Variants in C19orf44 observed in about 807,000 individuals in gnomAD.
C19orf44 encodes uncharacterized protein C19orf44.
A neutral mutation model predicts 50.7 loss-of-function variants in C19orf44; 43 were observed. The observed-to-expected ratio is 0.85, with a 90% CI of 0.66 to 1.09. The LOEUF (loss-of-function observed/expected upper bound fraction) is 1.09, where lower values mean the gene tolerates loss of function less well. Among genes scored for constraint, C19orf44 ranks in the 50% least tolerant of loss-of-function variants. The pLI is 0.00. For missense variants in C19orf44, 722 were observed against 836.2 expected, an observed-to-expected ratio of 0.86 and a Z score of 1.68; for synonymous variants, 298 against 334.7, an observed-to-expected ratio of 0.89 and a Z score of 1.20.
At position 16,519,335 on chromosome 19, in the gene C19orf44, C is replaced by T. The variant is rs2085583879; in HGVS notation, c.*41-759C>T. 1 of 1,612,176 alleles carries T rather than the reference C, an allele frequency of 6.2e-7. No individual in the cohort carries two copies. The highest frequency in any genetic ancestry group is 1.1e-5 in the South Asian group (1 of 90,994). On this transcript the variant is annotated intron_variant, in intron 8 of 8. Transcript: ENST00000221671. The surrounding 1 kb of genome is among the most constrained non-coding windows in gnomAD (Gnocchi z 6.0). ...ATCCCTTGCTCCTTCGCACCGAGGC[C>T]GCCTGAGCCGCTCCAGCCTGGAAAC...
intron 1 of C19orf44, among the ~76,000 whole-genome samples, chr19:16,496,863 C>A (rs537206802): frequency 6.6e-6 from 1 of 152,234 alleles, no homozygotes; most frequent in Non-Finnish European, 1.5e-5. Context: ...CGCGGTGATT[C>A]ACGCCTGGAA....
intron 6 of C19orf44, 110 bp from the exon 7 acceptor site, chr19:16,514,387 A>G: frequency 2.6e-6 from 1 of 381,874 alleles, no homozygotes; most frequent in Middle Eastern, 1.0e-3. Flanking sequence ...CTGTCTCCAG[A>G]AAAAAAAAAA....
At position 16,520,679 on chromosome 19, in the gene C19orf44, G is replaced by A. The variant is rs1289016346; in HGVS notation, c.*626G>A. The A allele has an allele frequency of 2.7e-6, 3 of 1,129,474 alleles. No individual in the cohort carries two copies. The highest frequency in any genetic ancestry group is 1.3e-6 in the Non-Finnish European group (1 of 766,556). The allele number at this position is 1,129,474 out of a possible 1,614,324, so 70.0% of individuals were successfully genotyped here. On this transcript the variant is annotated 3_prime_UTR_variant, in exon 9 of 9. Transcript: ENST00000221671. This position sits in a 1 kb window ranked among gnomAD's most constrained non-coding sequence, Gnocchi z 4.0. ...AAATAGTGTGGCCGAGCCTGCTGCT[G>A]TGTGAATTCAGGCCTTGTGGAAAAC... is the stretch of plus-strand genomic sequence containing the variant.
At chr19:16,509,125 T>A (rs1307227415) in intron 4 of C19orf44, among the ~76,000 whole-genome samples, 3 of 151,008 alleles carry the variant, frequency 2.0e-5, no homozygotes, top group Non-Finnish European at 4.4e-5. Flanking sequence ...CGGCTGAAAA[T>A]TTTTTAATTT....
chr19:16,504,823 CTT>C (rs201354846), intron 3 of C19orf44, among the ~76,000 whole-genome samples: 2 of 138,252 alleles, frequency 1.4e-5, no homozygotes, highest in Non-Finnish European at 1.6e-5. Flanking sequence ...TGAGGCTGGT[CTT>C]TTTTTTTTTT....
chr19:16,499,791 GTTC>G (rs1015139803), intron 1 of C19orf44, among the ~76,000 whole-genome samples: 1 of 151,440 alleles, frequency 6.6e-6, no homozygotes, highest in African/African-American at 2.4e-5. Context: ...CAGGGTAGCG[GTTC>G]TTCTTTTTTT....
chr19:16,506,159 T>G (rs1325344848), intron 3 of C19orf44, among the ~76,000 whole-genome samples: 2 of 150,530 alleles, frequency 1.3e-5, no homozygotes, highest in Admixed American at 1.3e-4. Context: ...GTATTTTTAG[T>G]AGAGACAGGG....
At chr19:16,504,585 C>G (rs1014491067) in intron 3 of C19orf44, among the ~76,000 whole-genome samples, 2 of 149,802 alleles carry the variant, frequency 1.3e-5, no homozygotes, top group South Asian at 2.1e-4. Context: ...CAGGGGCTAG[C>G]AGGCCTGTCT....
rs1243322280 is a variant in C19orf44 at position 16,506,719 on chromosome 19, T to C, written c.1094T>C (p.Leu365Ser). The C allele has an allele frequency of 6.2e-7, 1 of 1,602,548 alleles. No homozygotes were observed. ...DSLDEFRINILSLDGLAPAVS... is the reference protein window; with the variant it reads ...DSLDEFRINISSLDGLAPAVS... Reference sequence around the variant, plus strand: ...ATTACAGAGTTTAGAATAAATATTTTATCGCTTGACGGTCTGGCTCCAGCT... The same window carrying C: ...ATTACAGAGTTTAGAATAAATATTTCATCGCTTGACGGTCTGGCTCCAGCT... The change falls in exon 4 of 9, where the codon TTA (leucine) becomes TCA (serine). Residue 365 changes from leucine to serine, a missense_variant. Coordinates refer to ENST00000221671, the MANE Select transcript of C19orf44 (RefSeq NM_032207.4).
Position 16,521,202 on chromosome 19 carries a change from C to G in C19orf44, c.*1149C>G, listed in dbSNP as rs777430725. On this transcript the variant is annotated 3_prime_UTR_variant, in exon 9 of 9. Transcript: ENST00000221671. The stretch of plus-strand genomic sequence containing the variant: ...ACAGGAACACTGACTCATGGGTGGA[C>G]AGGCCTGCAGCCCAGCACAGGAAGG... 1.4e-5 allele frequency: 8 copies of G among 578,740 alleles called. No individual in the cohort carries two copies. The highest frequency in any genetic ancestry group is 1.9e-5 in the Non-Finnish European group (6 of 323,604). 35.9% of individuals were successfully genotyped at this position (578,740 alleles called of 1,614,324 possible).
chr19:16,496,760 T>C (rs2093410464), intron 1 of C19orf44: 1 of 152,962 alleles, frequency 6.5e-6, no homozygotes, highest in Admixed American at 6.5e-5. Flanking sequence ...ACTTTTAAGC[T>C]GACGACTCCG....
intron 5 of C19orf44, 54 bp from the exon 6 acceptor site, chr19:16,512,960 A>G (rs2093461689): frequency 6.6e-7 from 1 of 1,515,336 alleles, no homozygotes; most frequent in Non-Finnish European, 9.1e-7. Flanking sequence ...TGTGGACCCG[A>G]AAGTCATTTC....
intron 7 of C19orf44, among the ~76,000 whole-genome samples, chr19:16,515,616 G>A (rs1036915571): frequency 4.6e-5 from 7 of 151,910 alleles, no homozygotes; most frequent in Non-Finnish European, 7.4e-5. Flanking sequence ...TGCAGCCTTC[G>A]CTTCCTGGGA....
chr19:16,506,128 A>G (rs1245926145), intron 3 of C19orf44, among the ~76,000 whole-genome samples: 5 of 151,574 alleles, frequency 3.3e-5, no homozygotes. Flanking sequence ...GGCACCCGCC[A>G]CCACGCCTGG....
chr19:16,509,828 A>G lies in C19orf44; in HGVS notation c.1479A>G (p.Arg493=). The G allele has an allele frequency of 6.2e-7, 1 of 1,614,246 alleles. No individual in the cohort carries two copies. The highest frequency in any genetic ancestry group is 8.5e-7 in the Non-Finnish European group (1 of 1,180,044). Residue 493 remains arginine, a synonymous_variant, in exon 5 of 9, where the codon AGA becomes AGG. Transcript: ENST00000221671. The part of the protein sequence containing the change: ...PTAHSKESLD[R]TLDALSESSS... ...CCCATTCCAAGGAGTCTCTTGACAG[A>G]ACACTGGACGCTTTGTCTGAATCCT...
At chr19:16,513,370 C>T (rs1356709588) in intron 6 of C19orf44, among the ~76,000 whole-genome samples, 1 of 152,054 alleles carries the variant, frequency 6.6e-6, no homozygotes, top group Non-Finnish European at 1.5e-5. Context: ...TGCCCTGCAC[C>T]CCAACAAGGC....
Position 16,520,190 on chromosome 19 carries a change from T to C in C19orf44, c.*137T>C, listed in dbSNP as rs780239749. 6.2e-7 allele frequency: 1 copy of C among 1,613,108 alleles called. No homozygotes were observed. Among genetic ancestry groups the C allele is most frequent in the Non-Finnish European group, 8.5e-7 (1 of 1,179,982 alleles). ...TGGACCGTGACCGGCGTCTTCTTCC[T>C]GGGGAGTACGACTTGGACCGGGACC... On this transcript the variant is annotated 3_prime_UTR_variant, in exon 9 of 9. Coordinates refer to ENST00000221671, the MANE Select transcript of C19orf44 (RefSeq NM_032207.4). This position sits in a 1 kb window ranked among gnomAD's most constrained non-coding sequence, Gnocchi z 4.0.
Position 16,510,038 on chromosome 19 carries a change from C to G in C19orf44, c.1639+50C>G, listed in dbSNP as rs370262229. 3.1e-6 allele frequency: 5 copies of G among 1,613,184 alleles called. No homozygotes were observed. In the African/African-American group the frequency reaches 6.7e-5, roughly 22 times the overall value. On this transcript the variant is annotated intron_variant, in intron 5 of 8. Transcript: ENST00000221671. ...CGGGGCAGCCGGGACAGGAGCTCAG[C>G]GTGTGGTTTACAGCATCCTGGGAGA...
At chr19:16,507,427 CATTTT>C (rs914228544) in intron 4 of C19orf44, among the ~76,000 whole-genome samples, 2 of 151,200 alleles carry the variant, frequency 1.3e-5, no homozygotes, top group African/African-American at 4.9e-5. Flanking sequence ...ACAGTGATGA[CATTTT>C]ATTTTTATTT....
Sources: allele counts gnomAD v4.1 joint callset (sites outside exome capture counted in the v4.1 genomes callset), GRCh38; gene constraint gnomAD v4.1.1; non-coding constraint Gnocchi (gnomAD v3.1); transcripts MANE v1.5; gene names NCBI Gene and HGNC (gene_info 2026-07-23, HGNC 2026-07-21).